PNPLA8: variants seen among roughly 807,000 people sequenced by gnomAD.
The protein encoded by PNPLA8 is patatin like domain 8, phospholipase A2, also known as calcium-independent phospholipase A2-gamma.
In PNPLA8, 39 loss-of-function variants were observed where a neutral mutation model predicts 76.9. That is an observed-to-expected ratio of 0.51 (90% CI 0.39 to 0.66). PNPLA8 has a LOEUF of 0.66. Among genes scored for constraint, PNPLA8 ranks in the 30% least tolerant of loss-of-function variants. The pLI is 0.00. For synonymous variants in PNPLA8, 301 were observed against 307.9 expected (o/e 0.98, Z 0.24); for missense variants, 887 against 918.0 (o/e 0.97, Z 0.44).
intron 5 of PNPLA8, among the ~76,000 whole-genome samples, chr7:108,499,645 G>A (rs1861803290): frequency 6.6e-6 from 1 of 152,148 alleles, no homozygotes; most frequent in South Asian, 2.1e-4. Context: ...AAGTGGCAGT[G>A]CTCTAGTTGT....
At chr7:108,526,136 G>C, upstream of PNPLA8, 2 of 973,080 alleles carry the variant, frequency 2.1e-6, no homozygotes, top group Non-Finnish European at 2.4e-6. Context: ...CACAAACACT[G>C]GCGCAGCAGC....
At chr7:108,523,945 G>A (rs752005158) in intron 1 of PNPLA8, among the ~76,000 whole-genome samples, 1 of 152,166 alleles carries the variant, frequency 6.6e-6, no homozygotes, top group African/African-American at 2.4e-5. Context: ...GAGCTCTAAG[G>A]TTTTAAATCT....
At chr7:108,515,913 C>A (rs935767888) in intron 2 of PNPLA8, among the ~76,000 whole-genome samples, 20 of 152,052 alleles carry the variant, frequency 1.3e-4, no homozygotes, top group African/African-American at 4.8e-4. Context: ...TTGTTAAATT[C>A]TGGACTACTT....
rs1474451888 is a variant in PNPLA8, at chr7:108,471,239, G to A, written c.*1162C>T. The A allele has an allele frequency of 1.5e-5, 2 of 135,650 alleles. No homozygotes were observed. The highest frequency in any genetic ancestry group is 2.9e-5 in the African/African-American group (1 of 35,000). 8.4% of individuals were successfully genotyped at this position (135,650 alleles called of 1,614,324 possible). On this transcript the variant is annotated 3_prime_UTR_variant, in exon 11 of 11. Transcript: ENST00000257694. ...TTTTTTTTTTTTTTTTTTTTGAGAT[G>A]GAGTCTCGCTGTGTCGCCTAGGCTG... is the stretch of plus-strand genomic sequence containing the variant.
At position 108,506,259 on chromosome 7, in the gene PNPLA8, T is replaced by A. The variant is rs540004765; in HGVS notation, c.1207-3617A>T. Among the ~76,000 whole-genome samples the A allele has an allele frequency of 5.3e-5, 8 of 152,010 alleles. No homozygotes were observed. The South Asian group carries it at 1.5e-3, about 28-fold the overall frequency. On this transcript the variant is annotated intron_variant, in intron 4 of 10. Transcript: ENST00000257694. ...AGGGTGTGGTGGTGCGCACCTGTAA[T>A]CCCAGCTACTCGGGAGGCTGAGGCA...
intron 4 of PNPLA8, among the ~76,000 whole-genome samples, chr7:108,504,877 G>C (rs939889997): frequency 4.2e-4 from 64 of 152,222 alleles, no homozygotes; most frequent in African/African-American, 1.5e-3. Flanking sequence ...GGGAGTTCGA[G>C]ACCAGCCTGA....
At chr7:108,472,777 G>A in intron 10 of PNPLA8, 102 bp from the exon 11 acceptor site, 5 of 730,278 alleles carry the variant, frequency 6.8e-6, no homozygotes, top group South Asian at 5.4e-5. Flanking sequence ...CTTCTTTTTA[G>A]GCACATTACA....
chr7:108,493,623 T>C (rs1861358956), intron 7 of PNPLA8, among the ~76,000 whole-genome samples: 1 of 141,442 alleles, frequency 7.1e-6, no homozygotes, highest in Non-Finnish European at 1.5e-5. Context: ...GGTTTCACCG[T>C]GTAGGCCAGG....
At chr7:108,504,580 C>A (rs1418365416) in intron 4 of PNPLA8, among the ~76,000 whole-genome samples, 1 of 152,182 alleles carries the variant, frequency 6.6e-6, no homozygotes, top group Non-Finnish European at 1.5e-5. Context: ...TGCAATCCCA[C>A]CATGTTTTTC....
chr7:108,484,489 G>C (rs1031561133), intron 9 of PNPLA8, among the ~76,000 whole-genome samples: 15 of 152,090 alleles, frequency 9.9e-5, no homozygotes, highest in African/African-American at 3.6e-4. Flanking sequence ...ACCTCCCAAA[G>C]TGCTGGGATT....
At chr7:108,496,478 AATT>A in intron 7 of PNPLA8, 103 bp downstream of exon 7, 1 of 649,696 alleles carries the variant, frequency 1.5e-6, no homozygotes, top group Non-Finnish European at 2.4e-6. Flanking sequence ...ATATTTTTCA[AATT>A]ATAATATGCA....
chr7:108,524,173 A>G (rs1448033393), intron 1 of PNPLA8, among the ~76,000 whole-genome samples: 7 of 152,272 alleles, frequency 4.6e-5, no homozygotes, highest in African/African-American at 1.7e-4. Flanking sequence ...GATAGTTTAC[A>G]GTAATAATAC....
chr7:108,493,628 G>T (rs1278470547), intron 7 of PNPLA8, among the ~76,000 whole-genome samples: 2 of 144,844 alleles, frequency 1.4e-5, no homozygotes. Context: ...CACCGTGTAG[G>T]CCAGGAAGGT....
intron 5 of PNPLA8, among the ~76,000 whole-genome samples, chr7:108,498,115 GAAAAAAAAAACAAAAAACA>G (rs1035044060): frequency 1.4e-4 from 12 of 88,176 alleles, no homozygotes; most frequent in African/African-American, 3.0e-4. Context: ...ATATAAAATT[GAAAAAAAAAACAAAAAACA>G]AAAAAAAAAA....
At chr7:108,525,081 TAA>T (rs200739940) in intron 1 of PNPLA8, among the ~76,000 whole-genome samples, 1 of 151,838 alleles carries the variant, frequency 6.6e-6, no homozygotes, top group African/African-American at 2.4e-5. Flanking sequence ...GATATAGAAA[TAA>T]AAAAAGAGAT....
upstream of PNPLA8, among the ~76,000 whole-genome samples, chr7:108,527,046 C>A (rs1864123472): frequency 6.6e-6 from 1 of 152,204 alleles, no homozygotes; most frequent in Non-Finnish European, 1.5e-5. Context: ...TAGCCCCTTA[C>A]CCTCTTGAAG....
chr7:108,499,185 A>C (rs891257020), intron 5 of PNPLA8, among the ~76,000 whole-genome samples: 1 of 152,372 alleles, frequency 6.6e-6, no homozygotes, highest in South Asian at 2.1e-4. Context: ...ATGTTCACAC[A>C]GAAAAAGATT....
intron 5 of PNPLA8, among the ~76,000 whole-genome samples, chr7:108,499,035 G>A (rs1861758804): frequency 1.3e-5 from 2 of 152,170 alleles, no homozygotes; most frequent in African/African-American, 2.4e-5. Context: ...ATGTGCATTT[G>A]AGGAGAGTTA....
At chr7:108,516,916 C>A (rs80088781) in intron 2 of PNPLA8, among the ~76,000 whole-genome samples, 124 of 147,936 alleles carry the variant, frequency 8.4e-4, no homozygotes, top group African/African-American at 2.6e-3. Context: ...ACAAAACAAA[C>A]AAAAAAAAAA....
Sources: allele counts gnomAD v4.1 joint callset (sites outside exome capture counted in the v4.1 genomes callset), GRCh38; gene constraint gnomAD v4.1.1; transcripts MANE v1.5; gene names NCBI Gene and HGNC (gene_info 2026-07-23, HGNC 2026-07-21).